FOXO1: variants seen among roughly 807,000 people sequenced by gnomAD.
The protein encoded by FOXO1 is forkhead box O1.
In FOXO1, 6 loss-of-function variants were observed where a neutral mutation model predicts 44.1. That is an observed-to-expected ratio of 0.14 (90% CI 0.07 to 0.27). FOXO1 has a LOEUF of 0.27. Ranked by LOEUF, FOXO1 falls within the 10% of genes least tolerant of loss-of-function variation. The probability of loss-of-function intolerance (pLI) is 1.00; values close to 1 mark genes in which losing one functional copy is unlikely to be tolerated. For missense variants in FOXO1, 737 were observed against 888.8 expected (o/e 0.83, Z 2.17); for synonymous variants, 380 against 362.7 (o/e 1.05, Z -0.54).
At chr13:40,614,958 C>CT (rs1280651280) in intron 1 of FOXO1, among the ~76,000 whole-genome samples, 2 of 152,170 alleles carry the variant, frequency 1.3e-5, no homozygotes, top group African/African-American at 4.8e-5. Context: ...AAGAGGAAGT[C>CT]TTTGCCAAGC....
chr13:40,591,764 C>T (rs1307812798), intron 1 of FOXO1, among the ~76,000 whole-genome samples: 6 of 152,236 alleles, frequency 3.9e-5, no homozygotes, highest in Admixed American at 3.3e-4. Flanking sequence ...TGAGGTGGCT[C>T]GATCTTGGCT....
chr13:40,633,282 A>G (rs920535268), intron 1 of FOXO1, among the ~76,000 whole-genome samples: 2 of 152,346 alleles, frequency 1.3e-5, no homozygotes, highest in Middle Eastern at 3.4e-3. Flanking sequence ...GAAATGAAAC[A>G]TACATATATG....
chr13:40,605,513 T>C (rs1875962736), intron 1 of FOXO1, among the ~76,000 whole-genome samples: 2 of 152,174 alleles, frequency 1.3e-5, no homozygotes, highest in African/African-American at 4.8e-5. Context: ...TTAACTCCAA[T>C]CACACGAATC....
chr13:40,611,059 G>T, intron 1 of FOXO1: 1 of 456,266 alleles, frequency 2.2e-6, no homozygotes, highest in Non-Finnish European at 4.4e-6. Flanking sequence ...GAGAAAAGTT[G>T]TATCTTCATC....
chr13:40,636,248 G>T (rs1007983129), intron 1 of FOXO1, among the ~76,000 whole-genome samples: 3 of 151,934 alleles, frequency 2.0e-5, no homozygotes, highest in Non-Finnish European at 4.4e-5. Context: ...AAAATGGTGG[G>T]GTCTGTTAAA....
At chr13:40,563,523 A>G (rs933764138) in intron 1 of FOXO1, among the ~76,000 whole-genome samples, 7 of 152,184 alleles carry the variant, frequency 4.6e-5, no homozygotes, top group African/African-American at 1.7e-4. Context: ...ACACCACCGG[A>G]GCCCCAGATT....
chr13:40,597,131 C>T (rs1875609488), intron 1 of FOXO1, among the ~76,000 whole-genome samples: 2 of 152,172 alleles, frequency 1.3e-5, no homozygotes, highest in South Asian at 4.1e-4. Context: ...TTACTAAAAG[C>T]AAAAAACTAC....
rs771757051 is a variant in FOXO1, at chr13:40,560,445, G to A, written c.1046C>T (p.Pro349Leu). Residue 349 changes from proline to leucine, a missense_variant, in exon 2 of 3, where the codon CCG becomes CTG. Physicochemically the swap from Pro to Leu is moderately conservative, Grantham distance 98. This residue lies in a region of FOXO1 where 136 missense variants were observed against 186.4 expected (regional missense o/e 0.73). Coordinates refer to ENST00000379561, the MANE Select transcript of FOXO1 (RefSeq NM_002015.4). The surrounding 1 kb of genome is among the most constrained non-coding windows in gnomAD (Gnocchi z 5.1). ...AGAGGCCATCTTTGCGGCAGATGGC[G>A]GGTACACCATAGAATGCACATCCCC... ...GEGDVHSMVY[P>L]PSAAKMASTL... The A allele has an allele frequency of 4.3e-6, 7 of 1,614,124 alleles. No individual in the cohort carries two copies. Among genetic ancestry groups the A allele is most frequent in the East Asian group, 2.2e-5 (1 of 44,878 alleles).
At chr13:40,621,773 G>A (rs534909108) in intron 1 of FOXO1, among the ~76,000 whole-genome samples, 3 of 152,094 alleles carry the variant, frequency 2.0e-5, no homozygotes, top group South Asian at 2.1e-4. Flanking sequence ...AACTTTTTAC[G>A]AATAATACCT....
chr13:40,578,486 T>C (rs1476194608), intron 1 of FOXO1, among the ~76,000 whole-genome samples: 1 of 152,214 alleles, frequency 6.6e-6, no homozygotes, highest in Non-Finnish European at 1.5e-5. Flanking sequence ...CAGTCTTTAT[T>C]CCCAAAGCAT....
chr13:40,620,999 T>C (rs1163175779), intron 1 of FOXO1: 2 of 167,002 alleles, frequency 1.2e-5, no homozygotes, highest in Non-Finnish European at 2.6e-5. Context: ...GGTTTCACCA[T>C]GTTGGCCAGG....
intron 1 of FOXO1, among the ~76,000 whole-genome samples, chr13:40,593,968 A>G (rs1875483943): frequency 1.3e-5 from 2 of 152,138 alleles, no homozygotes. Context: ...CAATTTTAAG[A>G]CTAAATTTAA....
chr13:40,560,597 G>A lies in FOXO1; in HGVS notation c.894C>T (p.Ser298=). 1 of 1,614,174 alleles carries A rather than the reference G, an allele frequency of 6.2e-7. No homozygotes were observed. The highest frequency in any genetic ancestry group is 1.7e-5 in the Admixed American group (1 of 60,022). The part of the protein sequence containing the change: ...PGSQFSKWPA[S]PGSHSNDDFD... ...AGTCATCATTGCTGTGAGAGCCAGGGCTTGCAGGCCATTTGGAAAACTGTG... is the reference window on the plus strand; with the variant it reads ...AGTCATCATTGCTGTGAGAGCCAGGACTTGCAGGCCATTTGGAAAACTGTG... The change falls in exon 2 of 3, where the codon AGC becomes AGT. Residue 298 remains serine, a synonymous_variant. Transcript: ENST00000379561. The surrounding 1 kb of genome is among the most constrained non-coding windows in gnomAD (Gnocchi z 5.1).
In FOXO1 at chr13:40,665,922, C is replaced by CGCGGCG; in HGVS notation, c.290_291insCGCCGC (p.Ala101_Ala102dup). 1 of 1,201,410 alleles carries CGCGGCG rather than the reference C, an allele frequency of 8.3e-7. No homozygotes were observed. The highest frequency in any genetic ancestry group is 1.6e-5 in the African/African-American group (1 of 62,674). The allele number at this position is 1,201,410 out of a possible 1,614,324, so 74.4% of individuals were successfully genotyped here. The stretch of plus-strand genomic sequence containing the variant: ...GCCCCCCGGTGGCGGCCGCGGCGGC[C>CGCGGCG]GCCGCCGCCACCGCCGCCGCCACGG... On this transcript the variant is annotated inframe_insertion, in exon 1 of 3. Coordinates refer to ENST00000379561, the MANE Select transcript of FOXO1 (RefSeq NM_002015.4).
chr13:40,595,576 AG>A (rs1418851921), intron 1 of FOXO1, among the ~76,000 whole-genome samples: 6 of 152,312 alleles, frequency 3.9e-5, no homozygotes, highest in South Asian at 2.1e-4. Flanking sequence ...AAAACGGGGC[AG>A]GGGTGGTAAT....
rs146543096 is a variant in FOXO1, at chr13:40,618,489, T to A, written c.630+47094A>T. On this transcript the variant is annotated intron_variant, in intron 1 of 2. Transcript: ENST00000379561. The stretch of plus-strand genomic sequence containing the variant: ...TCCACAGAACGGGATTGTATTCTGG[T>A]GGATGATTTGGCTAAGCCGAGTGAT... 3.8e-3 allele frequency among the ~76,000 whole-genome samples: 572 copies of A among 152,314 alleles called. 1 individual carries two copies. The highest frequency in any genetic ancestry group is 6.3e-3 in the Non-Finnish European group (429 of 68,024).
chr13:40,621,874 T>C (rs1481137355), intron 1 of FOXO1, among the ~76,000 whole-genome samples: 3 of 152,236 alleles, frequency 2.0e-5, no homozygotes, highest in South Asian at 2.1e-4. Flanking sequence ...TATAGTTATA[T>C]AATTCTAAGG....
At chr13:40,566,796 T>A (rs1356741040) in intron 1 of FOXO1, among the ~76,000 whole-genome samples, 1 of 152,210 alleles carries the variant, frequency 6.6e-6, no homozygotes, top group African/African-American at 2.4e-5. Context: ...GGGTATGTGA[T>A]TTTTTTAATA....
chr13:40,634,714 C>G (rs1214976568), intron 1 of FOXO1, among the ~76,000 whole-genome samples: 1 of 151,430 alleles, frequency 6.6e-6, no homozygotes, highest in East Asian at 1.9e-4. Flanking sequence ...GAGTCTTGCT[C>G]TGTCGCCCAG....
Sources: allele counts gnomAD v4.1 joint callset (sites outside exome capture counted in the v4.1 genomes callset), GRCh38; gene constraint gnomAD v4.1.1; regional missense constraint gnomAD v4.1.1; non-coding constraint Gnocchi (gnomAD v3.1); transcripts MANE v1.5; gene names NCBI Gene and HGNC (gene_info 2026-07-23, HGNC 2026-07-21).